Variants in PTPRN2 observed in about 807,000 individuals in gnomAD.
PTPRN2 encodes protein tyrosine phosphatase receptor type N2, also known as receptor-type tyrosine-protein phosphatase N2.
Under a neutral mutation model 118.8 loss-of-function variants are expected in PTPRN2, and 74 were observed. That is an observed-to-expected ratio of 0.62 (90% CI 0.52 to 0.76). PTPRN2 has a LOEUF of 0.76. Ranked by LOEUF, PTPRN2 falls within the 30% of genes least tolerant of loss-of-function variation. The pLI is 0.00. For missense variants in PTPRN2, 1,481 were observed against 1,394.4 expected (o/e 1.06, Z -0.99); for synonymous variants, 641 against 608.0 (o/e 1.05, Z -0.80).
At chr7:157,928,814 A>G (rs1040561421) in intron 11 of PTPRN2, among the ~76,000 whole-genome samples, 18 of 120,588 alleles carry the variant, frequency 1.5e-4, no homozygotes, top group Admixed American at 1.1e-3. Context: ...GGCAGGAGAA[A>G]GGGCAGGGCA....
At chr7:158,174,151 A>G (rs764598168) in intron 5 of PTPRN2, among the ~76,000 whole-genome samples, 1 of 152,226 alleles carries the variant, frequency 6.6e-6, no homozygotes, top group Non-Finnish European at 1.5e-5. Flanking sequence ...AAAAACAGGC[A>G]TAAGAAATTA....
At chr7:158,095,775 G>C (rs567201851) in intron 10 of PTPRN2, among the ~76,000 whole-genome samples, 1 of 152,324 alleles carries the variant, frequency 6.6e-6, no homozygotes, top group South Asian at 2.1e-4. Flanking sequence ...ACGAGGTCTT[G>C]CTATGTTGCC....
chr7:158,183,516 T>G (rs1824890282), intron 5 of PTPRN2, among the ~76,000 whole-genome samples: 1 of 152,196 alleles, frequency 6.6e-6, no homozygotes, highest in Non-Finnish European at 1.5e-5. Context: ...CCGTGGCCAC[T>G]GACTGAGTTG....
intron 3 of PTPRN2, among the ~76,000 whole-genome samples, chr7:158,302,506 G>A (rs987035092): frequency 4.6e-5 from 7 of 152,180 alleles, no homozygotes; most frequent in Admixed American, 6.5e-5. Flanking sequence ...TCACCTGTAC[G>A]GGGGTTACCC....
At chr7:158,545,125 C>A (rs1394672378) in intron 1 of PTPRN2, among the ~76,000 whole-genome samples, 1 of 152,214 alleles carries the variant, frequency 6.6e-6, no homozygotes, top group African/African-American at 2.4e-5. Flanking sequence ...CAACATCCAC[C>A]GGGTTTTTCT....
At position 157,703,180 on chromosome 7, in the gene PTPRN2, CTT is replaced by C. The variant is rs1798162026; in HGVS notation, c.1789-20245_1789-20244del. On this transcript the variant is annotated intron_variant, in intron 12 of 22. Transcript: ENST00000389418. ...AGGGCCTCCGTCCTCCTGGAATTCT[CTT>C]TCCTGAGCGCCACTGGACCTGGTGA... is the stretch of plus-strand genomic sequence containing the variant. Among the ~76,000 whole-genome samples, 5 of 152,354 alleles carry C rather than the reference CTT, an allele frequency of 3.3e-5. No individual in the cohort carries two copies. The South Asian group carries it at 1.0e-3, about 32-fold the overall frequency.
chr7:158,028,010 T>A (rs1256702413), intron 11 of PTPRN2: 1 of 152,198 alleles, frequency 6.6e-6, no homozygotes, highest in Non-Finnish European at 1.5e-5. Flanking sequence ...GAACTTTACA[T>A]ACATTTTAGA....
chr7:158,146,439 A>G (rs1260789546), intron 6 of PTPRN2, among the ~76,000 whole-genome samples: 1 of 152,260 alleles, frequency 6.6e-6, no homozygotes, highest in African/African-American at 2.4e-5. Flanking sequence ...AAGAAATAAT[A>G]GGCTGGGCTT....
chr7:158,094,929 G>A (rs775610710), intron 10 of PTPRN2, among the ~76,000 whole-genome samples: 7 of 152,074 alleles, frequency 4.6e-5, no homozygotes, highest in East Asian at 3.9e-4. Context: ...CTCTGGACAC[G>A]CAGGCTGCTA....
intron 10 of PTPRN2, among the ~76,000 whole-genome samples, chr7:158,109,568 C>T (rs559727478): frequency 1.3e-5 from 2 of 149,858 alleles, no homozygotes; most frequent in East Asian, 4.1e-4. Flanking sequence ...TATGTGAAGA[C>T]TCAGTGAATG....
At chr7:158,150,214 A>G (rs1820828811) in intron 6 of PTPRN2, among the ~76,000 whole-genome samples, 1 of 152,214 alleles carries the variant, frequency 6.6e-6, no homozygotes, top group Non-Finnish European at 1.5e-5. Context: ...TGCTTCAGGA[A>G]CACTGGCCAA....
intron 3 of PTPRN2, 58 bp downstream of exon 3, chr7:158,316,761 A>G (rs1802359090): frequency 1.5e-6 from 2 of 1,321,588 alleles, no homozygotes; most frequent in Non-Finnish European, 2.1e-6. Flanking sequence ...AGGAGAAGCC[A>G]AGCCCGTGCG....
intron 9 of PTPRN2, among the ~76,000 whole-genome samples, chr7:158,113,715 T>C (rs1384804280): frequency 3.9e-5 from 6 of 152,144 alleles, no homozygotes; most frequent in Non-Finnish European, 8.8e-5. Flanking sequence ...GAGAGACGCA[T>C]TGAGGTGGAT....
intron 11 of PTPRN2, among the ~76,000 whole-genome samples, chr7:157,992,041 G>A (rs7793257): frequency 0.37 from 55,695 of 152,006 alleles, 10,715 homozygotes; most frequent in Non-Finnish European, 0.43. Flanking sequence ...CCTGAGTGCC[G>A]GGACTCGGCC....
chr7:158,213,206 TTGTGTGTG>T (rs57665784), intron 3 of PTPRN2, among the ~76,000 whole-genome samples: 4,173 of 140,268 alleles, frequency 0.03, 91 homozygotes, highest in African/African-American at 0.064. Context: ...GGCTCTGTGC[TTGTGTGTG>T]TGTGTGTGTG....
intron 12 of PTPRN2, among the ~76,000 whole-genome samples, chr7:157,746,048 G>A (rs1051494234): frequency 9.5e-5 from 13 of 136,880 alleles, no homozygotes; most frequent in Admixed American, 8.8e-4. Flanking sequence ...AGGGCCCTGA[G>A]TGTGGAGATC....
intron 12 of PTPRN2, among the ~76,000 whole-genome samples, chr7:157,791,070 C>A (rs1271906789): frequency 3.9e-5 from 6 of 152,296 alleles, no homozygotes; most frequent in Middle Eastern, 6.8e-3. Context: ...AATCCCGTTT[C>A]TTATAATCTA....
At chr7:157,835,241 A>C (rs949166198) in intron 12 of PTPRN2, among the ~76,000 whole-genome samples, 4 of 152,164 alleles carry the variant, frequency 2.6e-5, no homozygotes, top group Non-Finnish European at 5.9e-5. Context: ...CAAGACACAC[A>C]GCCTCTCTAA....
intron 12 of PTPRN2, among the ~76,000 whole-genome samples, chr7:157,731,011 C>T (rs1004385867): frequency 1.3e-5 from 2 of 152,132 alleles, no homozygotes; most frequent in African/African-American, 4.8e-5. Flanking sequence ...AATGGAGGTG[C>T]CACACGTGGT....
Sources: gnomAD v4.1 joint callset for allele counts (sites outside exome capture counted in the v4.1 genomes callset) on GRCh38, gnomAD v4.1.1 for gene constraint, MANE v1.5 for transcripts, NCBI Gene and HGNC (gene_info 2026-07-23, HGNC 2026-07-21) for gene names.